GCNT1: variants seen among roughly 807,000 people sequenced by gnomAD.
The protein encoded by GCNT1 is beta-1,3-galactosyl-O-glycosyl-glycoprotein beta-1,6-N-acetylglucosaminyltransferase.
A neutral mutation model predicts 26.2 loss-of-function variants in GCNT1; 16 were observed. The observed-to-expected ratio is 0.61, with a 90% CI of 0.41 to 0.93. The LOEUF (loss-of-function observed/expected upper bound fraction) is 0.93, where lower values mean the gene tolerates loss of function less well. Among genes scored for constraint, GCNT1 ranks in the 40% least tolerant of loss-of-function variants. GCNT1 has a pLI of 0.00. For missense variants in GCNT1, 477 were observed against 526.7 expected (o/e 0.91, Z 0.92); for synonymous variants, 183 against 190.8 (o/e 0.96, Z 0.34).
chr9:76,422,431 A>G (rs1259577551), intron 1 of GCNT1, among the ~76,000 whole-genome samples: 1 of 152,196 alleles, frequency 6.6e-6, no homozygotes, highest in Non-Finnish European at 1.5e-5. Flanking sequence ...TTCTTGATTT[A>G]TGTTAATTTT....
chr9:76,449,959 G>A (rs1187235254), intron 1 of GCNT1, among the ~76,000 whole-genome samples: 2 of 152,062 alleles, frequency 1.3e-5, no homozygotes, highest in Middle Eastern at 3.2e-3. Context: ...TTTTTGTAGA[G>A]ACAGGTTTTC....
intron 1 of GCNT1, among the ~76,000 whole-genome samples, chr9:76,431,911 C>G (rs766699760): frequency 6.6e-6 from 1 of 152,276 alleles, no homozygotes; most frequent in South Asian, 2.1e-4. Flanking sequence ...GAGTTTGAGA[C>G]CAGCCTGGCC....
the GCNT1 span, among the ~76,000 whole-genome samples, chr9:76,397,444 A>AT: frequency 1.7e-4 from 24 of 138,424 alleles, no homozygotes; most frequent in Non-Finnish European, 2.5e-4. Context: ...AGAAGAAAGA[A>AT]TTTTTTTTTT....
chr9:76,505,058 T>C lies in GCNT1; in HGVS notation c.*1390T>C, dbSNP rs1315123174. The stretch of plus-strand genomic sequence containing the variant: ...ATCTTAAAAAGAAATTCTCGTACTT[T>C]TGCCATGTTGATACTGTTCAGCAAA... On this transcript the variant is annotated 3_prime_UTR_variant, in exon 4 of 4. Coordinates refer to ENST00000376730, the MANE Select transcript of GCNT1 (RefSeq NM_001490.5). The C allele has an allele frequency of 7.3e-6, 3 of 412,402 alleles. No homozygotes were observed. The highest frequency in any genetic ancestry group is 1.3e-5 in the Non-Finnish European group (3 of 226,040). 25.5% of individuals were successfully genotyped at this position (412,402 alleles called of 1,614,324 possible).
Position 76,504,877 on chromosome 9 carries a change from G to A in GCNT1, c.*1209G>A, listed in dbSNP as rs1225606733. On this transcript the variant is annotated 3_prime_UTR_variant, in exon 4 of 4. Coordinates refer to ENST00000376730, the MANE Select transcript of GCNT1 (RefSeq NM_001490.5). The stretch of plus-strand genomic sequence containing the variant: ...GTGCAGTCATTCCACATGGCCTGTT[G>A]GAAGGCCTGGGGAGGGAACTTTGGG... 3 of 413,336 alleles carry A rather than the reference G, an allele frequency of 7.3e-6. No individual in the cohort carries two copies. Among genetic ancestry groups the A allele is most frequent in the Non-Finnish European group, 1.3e-5 (3 of 226,132 alleles). 25.6% of individuals were successfully genotyped at this position (413,336 alleles called of 1,614,324 possible).
chr9:76,461,247 T>TA (rs1448071269), intron 2 of GCNT1, among the ~76,000 whole-genome samples: 1 of 138,418 alleles, frequency 7.2e-6, no homozygotes, highest in Non-Finnish European at 1.5e-5. Context: ...TACTTAAAAA[T>TA]AAAAAATGTA....
chr9:76,467,232 T>C (rs552464046), intron 2 of GCNT1, among the ~76,000 whole-genome samples: 2 of 152,248 alleles, frequency 1.3e-5, no homozygotes, highest in East Asian at 1.9e-4. Context: ...TTAGTAGAGA[T>C]GGGGTTTCAC....
chr9:76,501,546 A>G lies in GCNT1; in HGVS notation c.-144+485A>G, dbSNP rs1825069375. 2.6e-5 allele frequency among the ~76,000 whole-genome samples: 4 copies of G among 152,346 alleles called. No individual in the cohort carries two copies. In the South Asian group the frequency reaches 8.3e-4, roughly 32 times the overall value. On this transcript the variant is annotated intron_variant, in intron 3 of 3. Coordinates refer to ENST00000376730, the MANE Select transcript of GCNT1 (RefSeq NM_001490.5). The stretch of plus-strand genomic sequence containing the variant: ...ACTTTGTTTTCTTGTAGTTTCTGGC[A>G]TGGAACTAAACTCATTGTGGGACTA...
rs150571581 is a variant in GCNT1, at chr9:76,468,743, G to C, written c.-290+8566G>C. Among the ~76,000 whole-genome samples the C allele has an allele frequency of 6.6e-5, 10 of 152,308 alleles. No individual in the cohort carries two copies. In the East Asian group the frequency reaches 1.9e-3, roughly 29 times the overall value. On this transcript the variant is annotated intron_variant, in intron 2 of 3. Transcript: ENST00000376730. The stretch of plus-strand genomic sequence containing the variant: ...ATTTTGCTATGCCTATCAGTAGTCA[G>C]ATATTTTGGGGAGAAGGGAAAAATC...
chr9:76,455,517 C>T (rs1309215684), upstream of GCNT1, among the ~76,000 whole-genome samples: 6 of 152,120 alleles, frequency 3.9e-5, no homozygotes, highest in African/African-American at 7.2e-5. Context: ...AAAATACAGC[C>T]GGGAGAGGAT....
intron 2 of GCNT1, among the ~76,000 whole-genome samples, chr9:76,464,612 A>G (rs1344454015): frequency 6.6e-6 from 1 of 151,514 alleles, no homozygotes; most frequent in African/African-American, 2.4e-5. Context: ...CACAGGTGAG[A>G]TCATAGCACA....
chr9:76,467,064 A>G (rs944996559), intron 2 of GCNT1, among the ~76,000 whole-genome samples: 1 of 150,632 alleles, frequency 6.6e-6, no homozygotes, highest in Non-Finnish European at 1.5e-5. Context: ...TTTCTTTGAG[A>G]TGGAGTCTTG....
chr9:76,455,175 A>G (rs746499129), upstream of GCNT1, among the ~76,000 whole-genome samples: 1 of 152,040 alleles, frequency 6.6e-6, no homozygotes, highest in Non-Finnish European at 1.5e-5. Context: ...TAAATCATCC[A>G]GTCTCAGAAA....
chr9:76,487,562 T>C (rs933452609), intron 2 of GCNT1, among the ~76,000 whole-genome samples: 11 of 152,022 alleles, frequency 7.2e-5, no homozygotes, highest in Admixed American at 5.2e-4. Flanking sequence ...CCCAGCCAGT[T>C]TTGTCTTCTT....
the GCNT1 span, among the ~76,000 whole-genome samples, chr9:76,402,105 C>G: frequency 2.6e-5 from 4 of 152,260 alleles, no homozygotes; most frequent in East Asian, 5.8e-4. Flanking sequence ...TTTGTCCTTC[C>G]GGGTACAGAG....
chr9:76,486,735 G>C lies in GCNT1; in HGVS notation c.-289-14181G>C, dbSNP rs117246127. 3.2e-3 allele frequency among the ~76,000 whole-genome samples: 489 copies of C among 152,260 alleles called. 3 individuals carry two copies. Among genetic ancestry groups the C allele is most frequent in the South Asian group, 6.4e-3 (31 of 4,824 alleles). On this transcript the variant is annotated intron_variant, in intron 2 of 3. Coordinates refer to ENST00000376730, the MANE Select transcript of GCNT1 (RefSeq NM_001490.5). ...TTTTAGATATCTTCAGTTCCTGCAA[G>C]TTTGTGGGGAACTAGAAACAGAACT...
At position 76,506,735 on chromosome 9, in the gene GCNT1, G is replaced by A. The variant is rs1564251725; in HGVS notation, c.*3067G>A. 2 of 166,986 alleles carry A rather than the reference G, an allele frequency of 1.2e-5. No homozygotes were observed. The highest frequency in any genetic ancestry group is 2.4e-5 in the African/African-American group (1 of 41,412). 10.3% of individuals were successfully genotyped at this position (166,986 alleles called of 1,614,324 possible). ...ACAGCCACTCAGCCTTGAAAATGGAGTGTTGTTGTTTCTAAACATATATTT... is the reference window on the plus strand; with the variant it reads ...ACAGCCACTCAGCCTTGAAAATGGAATGTTGTTGTTTCTAAACATATATTT... On this transcript the variant is annotated 3_prime_UTR_variant, in exon 4 of 4. Transcript: ENST00000376730.
the GCNT1 span, chr9:76,399,046 C>T: frequency 6.3e-6 from 10 of 1,596,036 alleles, no homozygotes; most frequent in Non-Finnish European, 8.5e-6. Flanking sequence ...AGGCAGCCTT[C>T]CGGGAGCCAT....
Position 76,503,279 on chromosome 9 carries a change from C to T in GCNT1, c.898C>T (p.Leu300=). 1.2e-6 allele frequency: 2 copies of T among 1,614,072 alleles called. No individual in the cohort carries two copies. The highest frequency in any genetic ancestry group is 1.3e-5 in the African/African-American group (1 of 74,972). ...CAGTAGGGAGTATGTGGGGTATGTA[C>T]TACAGAATGAAAAAATCCAAAAGTT... ...VVSREYVGYV[L]QNEKIQKLME... is the part of the protein sequence containing the mutation. The change falls in exon 4 of 4, where the codon CTA becomes TTA. Residue 300 remains leucine (L), a synonymous_variant. Coordinates refer to ENST00000376730, the MANE Select transcript of GCNT1 (RefSeq NM_001490.5).
Sources: allele counts gnomAD v4.1 joint callset (sites outside exome capture counted in the v4.1 genomes callset), GRCh38; gene constraint gnomAD v4.1.1; transcripts MANE v1.5; gene names NCBI Gene and HGNC (gene_info 2026-07-23, HGNC 2026-07-21).